The following ITSN1 variants were observed in gnomAD, a reference collection of about 807,000 sequenced individuals.
The protein encoded by ITSN1 is intersectin-1.
ITSN1 carries 58 observed loss-of-function variants against 239.8 expected under a neutral mutation model. That is an observed-to-expected ratio of 0.24 (90% CI 0.20 to 0.30). ITSN1 has a LOEUF of 0.30. ITSN1 is among the 10% of genes least tolerant of loss of function. ITSN1 has a pLI of 1.00. For synonymous variants in ITSN1, 780 were observed against 770.8 expected, an observed-to-expected ratio of 1.01 and a Z score of -0.20; for missense variants, 1,558 against 2,103.3, an observed-to-expected ratio of 0.74 and a Z score of 5.07.
At chr21:33,807,702 G>C (rs2072565497) in intron 20 of ITSN1, among the ~76,000 whole-genome samples, 1 of 152,172 alleles carries the variant, frequency 6.6e-6, no homozygotes, top group Non-Finnish European at 1.5e-5. Flanking sequence ...AAGCAAAGCA[G>C]CTGACCTTTG....
In ITSN1 at chr21:33,799,816, C is replaced by G. The variant is rs763242335; in HGVS notation, c.2191C>G (p.Pro731Ala). The G allele has an allele frequency of 1.2e-6, 2 of 1,613,250 alleles. No individual in the cohort carries two copies. Among genetic ancestry groups the G allele is most frequent in the South Asian group, 2.2e-5 (2 of 90,888 alleles). Residue 731 changes from proline (P) to alanine (A), a missense_variant, in exon 19 of 40, where the codon CCA becomes GCA. Around this residue, in one of 2 missense-constraint regions of ITSN1, gnomAD observed 982 missense variants for 1,209.9 expected, o/e 0.81. Transcript: ENST00000381318. ...CCTTTTTTTGTAAACAGAAAAAGGTCCACTTACCATTTCTGCACAGGAAAA... is the reference window on the plus strand; with the variant it reads ...CCTTTTTTTGTAAACAGAAAAAGGTGCACTTACCATTTCTGCACAGGAAAA... ...QAPWSTAEKGPLTISAQENVK... is the reference protein window; with the variant it reads ...QAPWSTAEKGALTISAQENVK...
Position 33,794,325 on chromosome 21 carries a change from T to G in ITSN1, c.1825-16T>G. On this transcript the variant is annotated splice_polypyrimidine_tract_variant and intron_variant, in intron 16 of 39. Coordinates refer to ENST00000381318, the MANE Select transcript of ITSN1 (RefSeq NM_003024.3). ...CACTCATGTCGCTACATGAACTGTT[T>G]CTCGGTTAATTATAGGAACTAAGAG... is the stretch of plus-strand genomic sequence containing the variant. 1.3e-6 allele frequency: 2 copies of G among 1,596,946 alleles called. No individual in the cohort carries two copies. The highest frequency in any genetic ancestry group is 1.7e-6 in the Non-Finnish European group (2 of 1,168,732).
intron 19 of ITSN1, 81 bp from the exon 20 acceptor site, chr21:33,802,349 G>T (rs938348313): frequency 7.1e-7 from 1 of 1,399,456 alleles, no homozygotes; most frequent in African/African-American, 1.4e-5. Flanking sequence ...GATGCGTAGA[G>T]TTTAGATATG....
At chr21:33,867,976 C>T (rs959893352) in intron 33 of ITSN1, among the ~76,000 whole-genome samples, 1 of 152,128 alleles carries the variant, frequency 6.6e-6, no homozygotes, top group Non-Finnish European at 1.5e-5. Flanking sequence ...TGTTACAGCT[C>T]ATAAAAGCAG....
At chr21:33,647,519 G>A (rs919870059) in intron 1 of ITSN1, among the ~76,000 whole-genome samples, 1 of 151,394 alleles carries the variant, frequency 6.6e-6, no homozygotes, top group Non-Finnish European at 1.5e-5. Context: ...TTTTTCAGAC[G>A]GAGTCTCAGT....
intron 32 of ITSN1, among the ~76,000 whole-genome samples, chr21:33,866,238 C>A (rs1265806724): frequency 2.0e-5 from 3 of 152,138 alleles, no homozygotes; most frequent in Non-Finnish European, 4.4e-5. Context: ...TGTTTCTCAG[C>A]CTAGACTTGC....
In ITSN1 at chr21:33,657,876, C is replaced by T. The variant is rs535028433; in HGVS notation, c.-33+15163C>T. Reference sequence around the variant, plus strand: ...TGGTGTACTCTTGTAGTCCCAGCTACTAGGGAGGCTGAGGCAGGAGGATTG... The same window carrying T: ...TGGTGTACTCTTGTAGTCCCAGCTATTAGGGAGGCTGAGGCAGGAGGATTG... On this transcript the variant is annotated intron_variant, in intron 1 of 39. Coordinates refer to ENST00000381318, the MANE Select transcript of ITSN1 (RefSeq NM_003024.3). Among the ~76,000 whole-genome samples, 7 of 152,264 alleles carry T rather than the reference C, an allele frequency of 4.6e-5. No homozygotes were observed. In the South Asian group the frequency reaches 1.0e-3, roughly 23 times the overall value.
At chr21:33,823,765 G>A in intron 25 of ITSN1, 112 bp downstream of exon 25, 1 of 996,996 alleles carries the variant, frequency 1.0e-6, no homozygotes, top group Non-Finnish European at 1.5e-6. Context: ...TCTGGAATGT[G>A]ACAGTAAATC....
chr21:33,763,672 C>T (rs1021408039), intron 9 of ITSN1, among the ~76,000 whole-genome samples: 1 of 151,614 alleles, frequency 6.6e-6, no homozygotes, highest in Admixed American at 6.6e-5. Flanking sequence ...CCAGAGAGGT[C>T]TCTGTGTACT....
At chr21:33,656,410 C>T (rs1039426821) in intron 1 of ITSN1, among the ~76,000 whole-genome samples, 3 of 152,174 alleles carry the variant, frequency 2.0e-5, no homozygotes, top group Admixed American at 2.0e-4. Context: ...GTGTCATTTC[C>T]TTTCACATAC....
rs115715952 is a variant in ITSN1, at chr21:33,694,359, A to G, written c.-32-24438A>G. 7.5e-3 allele frequency among the ~76,000 whole-genome samples: 1,137 copies of G among 152,306 alleles called. 10 individuals carry two copies. The highest frequency in any genetic ancestry group is 0.026 in the African/African-American group (1,075 of 41,572). On this transcript the variant is annotated intron_variant, in intron 1 of 39. Transcript: ENST00000381318. ...TTTCATAATTTACCTAACTGTTCCTATGCTATTGAACAGTTAAGATTATTT... is the reference window on the plus strand; with the variant it reads ...TTTCATAATTTACCTAACTGTTCCTGTGCTATTGAACAGTTAAGATTATTT...
intron 1 of ITSN1, among the ~76,000 whole-genome samples, chr21:33,671,768 G>C (rs2146386208): frequency 6.6e-6 from 1 of 151,534 alleles, no homozygotes; most frequent in South Asian, 2.1e-4. Flanking sequence ...CTCCAGTCTG[G>C]GCGACAAAGC....
chr21:33,758,164 C>G (rs764703314), intron 8 of ITSN1, among the ~76,000 whole-genome samples: 2 of 152,186 alleles, frequency 1.3e-5, no homozygotes, highest in Admixed American at 6.5e-5. Flanking sequence ...ATTACAGGCA[C>G]CCAGGCTGAA....
chr21:33,805,763 C>T (rs910512431), intron 20 of ITSN1, among the ~76,000 whole-genome samples: 3 of 151,526 alleles, frequency 2.0e-5, no homozygotes, highest in Admixed American at 6.6e-5. Flanking sequence ...GCTCCGCCTC[C>T]CGGGTTCACG....
chr21:33,866,368 T>A (rs1364504370), intron 32 of ITSN1, among the ~76,000 whole-genome samples: 1 of 152,182 alleles, frequency 6.6e-6, no homozygotes, highest in Non-Finnish European at 1.5e-5. Context: ...ATGGACCACC[T>A]AGGGTTTCAG....
intron 4 of ITSN1, among the ~76,000 whole-genome samples, chr21:33,733,547 T>C (rs1408261621): frequency 1.3e-5 from 2 of 152,180 alleles, no homozygotes; most frequent in East Asian, 3.8e-4. Context: ...TAATGAATTT[T>C]TAAAAGTCTT....
chr21:33,743,865 A>G (rs1213993279), intron 5 of ITSN1, among the ~76,000 whole-genome samples: 2 of 152,224 alleles, frequency 1.3e-5, no homozygotes, highest in Non-Finnish European at 2.9e-5. Context: ...CAGGGAAAGA[A>G]CAAGCCAAGG....
intron 29 of ITSN1, among the ~76,000 whole-genome samples, chr21:33,842,185 G>A (rs545401563): frequency 6.6e-6 from 1 of 152,020 alleles, no homozygotes; most frequent in East Asian, 1.9e-4. Context: ...GTGAGCCACC[G>A]CGCCCGGCCA....
At chr21:33,837,491 A>G in intron 29 of ITSN1, 1 of 985,970 alleles carries the variant, frequency 1.0e-6, no homozygotes, top group South Asian at 4.7e-5. Context: ...CATTTTGTCC[A>G]GTGTTACCAA....
Sources: allele counts gnomAD v4.1 joint callset (sites outside exome capture counted in the v4.1 genomes callset), GRCh38; gene constraint gnomAD v4.1.1; regional missense constraint gnomAD v4.1.1; transcripts MANE v1.5; gene names NCBI Gene and HGNC (gene_info 2026-07-23, HGNC 2026-07-21).